The following BLTP3B variants were observed in gnomAD, a reference collection of about 807,000 sequenced individuals.
BLTP3B encodes the protein UHRF1 (ICBP90) binding protein 1-like.
At chr12:100,133,265 C>A in the BLTP3B span, among the ~76,000 whole-genome samples, 1 of 151,942 alleles carries the variant, frequency 6.6e-6, no homozygotes, top group Non-Finnish European at 1.5e-5. Context: ...AATAAATAAA[C>A]AAATAAAACC....
chr12:100,037,084 A>G, the BLTP3B span: 2 of 879,316 alleles, frequency 2.3e-6, no homozygotes, highest in Non-Finnish European at 2.7e-6. Flanking sequence ...TTCCAAACCC[A>G]TTAATTATAT....
chr12:100,119,058 C>T, the BLTP3B span, among the ~76,000 whole-genome samples: 6 of 151,982 alleles, frequency 3.9e-5, no homozygotes, highest in Non-Finnish European at 7.4e-5. Context: ...GCCGAGATCG[C>T]GCCACTGCAC....
At chr12:100,066,942 C>CA in the BLTP3B span, among the ~76,000 whole-genome samples, 3 of 151,772 alleles carry the variant, frequency 2.0e-5, no homozygotes, top group Non-Finnish European at 2.9e-5. Context: ...TGATAGGCCA[C>CA]AAAAAAAGCC....
the BLTP3B span, chr12:100,059,859 T>C: frequency 6.2e-7 from 1 of 1,610,296 alleles, no homozygotes; most frequent in Non-Finnish European, 8.5e-7. Context: ...CCTTTAGCAT[T>C]AAGCCATCAA....
the BLTP3B span, among the ~76,000 whole-genome samples, chr12:100,109,164 CT>C: frequency 5.3e-5 from 1 of 19,008 alleles, no homozygotes; most frequent in Non-Finnish European, 1.0e-4. Flanking sequence ...GTTTTCCTCT[CT>C]CTCTCTCTCT....
the BLTP3B span, chr12:100,098,574 T>C: frequency 1.3e-6 from 2 of 1,576,366 alleles, no homozygotes; most frequent in Non-Finnish European, 1.7e-6. Context: ...AATACACTAA[T>C]GACAAAACTA....
At chr12:100,140,361 C>G in the BLTP3B span, among the ~76,000 whole-genome samples, 1 of 150,820 alleles carries the variant, frequency 6.6e-6, no homozygotes, top group African/African-American at 2.4e-5. Flanking sequence ...AAAAAAAAAT[C>G]CTCATCACAC....
At chr12:100,084,661 G>A in the BLTP3B span, 66 of 1,610,382 alleles carry the variant, frequency 4.1e-5, no homozygotes, top group Non-Finnish European at 5.2e-5. Context: ...ACTATCTCCT[G>A]TAAAATGAAC....
chr12:100,089,473 T>C, the BLTP3B span, among the ~76,000 whole-genome samples: 1 of 151,980 alleles, frequency 6.6e-6, no homozygotes, highest in South Asian at 2.1e-4. Flanking sequence ...GGCAGGAGAA[T>C]CACTTGAACC....
chr12:100,043,022 C>T, the BLTP3B span, among the ~76,000 whole-genome samples: 6 of 152,166 alleles, frequency 3.9e-5, no homozygotes, highest in South Asian at 4.1e-4. Flanking sequence ...TGGTCTTGAA[C>T]TCTCGACCTT....
chr12:100,058,778 T>C, the BLTP3B span: 6 of 1,613,858 alleles, frequency 3.7e-6, no homozygotes, highest in Non-Finnish European at 5.1e-6. Context: ...GCAGGATAAG[T>C]GACTCATGCA....
the BLTP3B span, chr12:100,051,231 C>T: frequency 6.2e-7 from 1 of 1,607,684 alleles, no homozygotes; most frequent in Non-Finnish European, 8.5e-7. Context: ...CCTGAAATAA[C>T]ACAAAAGTAA....
chr12:100,084,423 CACAG>C, the BLTP3B span: 114 of 1,143,750 alleles, frequency 1.0e-4, no homozygotes, highest in East Asian at 2.7e-3. Flanking sequence ...CACACACACA[CACAG>C]AGTGCAAACA....
At chr12:100,078,198 T>C in the BLTP3B span, among the ~76,000 whole-genome samples, 2 of 150,102 alleles carry the variant, frequency 1.3e-5, no homozygotes, top group South Asian at 2.1e-4. Context: ...CAGTGAGTTC[T>C]CATAAAGTCT....
At chr12:100,062,925 T>C in the BLTP3B span, among the ~76,000 whole-genome samples, 43 of 151,256 alleles carry the variant, frequency 2.8e-4, no homozygotes, top group African/African-American at 8.5e-4. Context: ...TGTGCCACAG[T>C]ACTCCAGCCC....
At chr12:100,107,040 C>T in the BLTP3B span, among the ~76,000 whole-genome samples, 20,767 of 151,942 alleles carry the variant, frequency 0.14, 2,581 homozygotes, top group African/African-American at 0.32. Flanking sequence ...GTAATCCCAG[C>T]ACTTTGGGAG....
chr12:100,095,610 AT>A, the BLTP3B span: 2 of 1,561,506 alleles, frequency 1.3e-6, no homozygotes, highest in African/African-American at 2.8e-5. Flanking sequence ...ATTCCTTCTA[AT>A]TTTTAAACTA....
chr12:100,084,738 T>A, the BLTP3B span: 4 of 1,390,972 alleles, frequency 2.9e-6, no homozygotes, highest in Non-Finnish European at 3.9e-6. Context: ...TCCAATGAGA[T>A]TTAGTCGTTT....
At chr12:100,045,898 C>T in the BLTP3B span, among the ~76,000 whole-genome samples, 1 of 152,036 alleles carries the variant, frequency 6.6e-6, no homozygotes, top group Non-Finnish European at 1.5e-5. Flanking sequence ...ATCAAACAAC[C>T]CCATTAAAAA....
Sources: gnomAD v4.1 joint callset for allele counts (sites outside exome capture counted in the v4.1 genomes callset) on GRCh38, gnomAD v4.1.1 for gene constraint, MANE v1.5 for transcripts, NCBI Gene and HGNC (gene_info 2026-07-23, HGNC 2026-07-21) for gene names.